The following GPC6 variants were observed in gnomAD, a reference collection of about 807,000 sequenced individuals.
GPC6 encodes glypican 6, also known as glypican-6.
A neutral mutation model predicts 55.2 loss-of-function variants in GPC6; 14 were observed. That is an observed-to-expected ratio of 0.25 (90% confidence interval 0.17 to 0.40). The LOEUF is 0.40. GPC6 is among the 10% of genes least tolerant of loss of function. GPC6 has a pLI of 1.00. For synonymous variants in GPC6, 278 were observed against 259.6 expected, an observed-to-expected ratio of 1.07 and a Z score of -0.68; for missense variants, 641 against 708.5, an observed-to-expected ratio of 0.90 and a Z score of 1.08.
intron 4 of GPC6, among the ~76,000 whole-genome samples, chr13:94,029,565 A>G (rs928567798): frequency 2.6e-5 from 4 of 152,242 alleles, no homozygotes; most frequent in African/African-American, 7.2e-5. Context: ...TTTTAAAGTC[A>G]GATTAAACCT....
intron 2 of GPC6, among the ~76,000 whole-genome samples, chr13:93,625,032 T>C (rs767384595): frequency 6.6e-6 from 1 of 152,216 alleles, no homozygotes; most frequent in Non-Finnish European, 1.5e-5. Flanking sequence ...AAATACCTTA[T>C]GCTTACTATG....
intron 2 of GPC6, among the ~76,000 whole-genome samples, chr13:93,682,296 G>A (rs1026941955): frequency 5.3e-5 from 8 of 152,128 alleles, no homozygotes; most frequent in African/African-American, 1.9e-4. Context: ...GTACTATAAG[G>A]CAGTGAGAAC....
intron 4 of GPC6, among the ~76,000 whole-genome samples, chr13:94,091,989 A>G (rs573927924): frequency 1.7e-4 from 25 of 151,074 alleles, no homozygotes; most frequent in Admixed American, 1.6e-3. Context: ...TTGAGATATA[A>G]TTGAAAAAAA....
intron 2 of GPC6, among the ~76,000 whole-genome samples, chr13:93,706,755 A>G (rs1882860306): frequency 6.6e-6 from 1 of 151,896 alleles, no homozygotes; most frequent in African/African-American, 2.4e-5. Context: ...AATATTTGCC[A>G]GTCACTATAA....
intron 2 of GPC6, among the ~76,000 whole-genome samples, chr13:93,819,980 A>G (rs1199595800): frequency 6.6e-6 from 1 of 152,352 alleles, no homozygotes; most frequent in Admixed American, 6.5e-5. Flanking sequence ...AAATCTCCCT[A>G]TATCAACCAA....
intron 2 of GPC6, among the ~76,000 whole-genome samples, chr13:93,583,768 A>G (rs1280142807): frequency 1.3e-5 from 2 of 152,040 alleles, no homozygotes; most frequent in Non-Finnish European, 2.9e-5. Context: ...CTAAGAAAGT[A>G]TATTATATAC....
chr13:93,997,095 C>T (rs1881589763), intron 3 of GPC6, among the ~76,000 whole-genome samples: 1 of 152,252 alleles, frequency 6.6e-6, no homozygotes, highest in South Asian at 2.1e-4. Context: ...TTCCTACACC[C>T]GTGTTATCCT....
intron 3 of GPC6, among the ~76,000 whole-genome samples, chr13:93,932,040 A>T (rs1454058756): frequency 6.6e-6 from 1 of 152,168 alleles, no homozygotes; most frequent in African/African-American, 2.4e-5. Flanking sequence ...AGATAAAAAT[A>T]CCTTTGCATA....
At chr13:94,352,974 C>T (rs1818159862) in intron 6 of GPC6, among the ~76,000 whole-genome samples, 1 of 152,144 alleles carries the variant, frequency 6.6e-6, no homozygotes, top group South Asian at 2.1e-4. Flanking sequence ...AAGGAAAACA[C>T]AAGTGCTTTT....
intron 3 of GPC6, among the ~76,000 whole-genome samples, chr13:93,835,394 G>C (rs976148264): frequency 6.6e-6 from 1 of 152,226 alleles, no homozygotes; most frequent in African/African-American, 2.4e-5. Flanking sequence ...GGTGGAGGTC[G>C]TAGTGAGCCG....
chr13:93,996,712 C>G (rs1881572707), intron 3 of GPC6, among the ~76,000 whole-genome samples: 1 of 152,112 alleles, frequency 6.6e-6, no homozygotes, highest in Admixed American at 6.6e-5. Context: ...GAGAGGACAA[C>G]TTAAAATAAT....
At chr13:93,804,688 A>G (rs1228904533) in intron 2 of GPC6, among the ~76,000 whole-genome samples, 1 of 152,192 alleles carries the variant, frequency 6.6e-6, no homozygotes, top group Non-Finnish European at 1.5e-5. Flanking sequence ...GGTTAGATAT[A>G]CAAATTCTGT....
rs1420342519 is a variant in GPC6 at position 94,331,985 on chromosome 13, AT to A, written c.1152+25865del. ...GAAATCTAAAGTCATGTAAGATTTT[AT>A]TTCTGTTCTCCATCTGAGTCTCAGT... On this transcript the variant is annotated intron_variant, in intron 6 of 8. Coordinates refer to ENST00000377047, the MANE Select transcript of GPC6 (RefSeq NM_005708.5). 8.5e-5 allele frequency among the ~76,000 whole-genome samples: 13 copies of A among 152,200 alleles called. No individual in the cohort carries two copies. In the East Asian group the frequency reaches 2.5e-3, roughly 29 times the overall value.
intron 1 of GPC6, among the ~76,000 whole-genome samples, chr13:93,367,208 A>G (rs1361844495): frequency 6.6e-6 from 1 of 152,138 alleles, no homozygotes; most frequent in Non-Finnish European, 1.5e-5. Context: ...ACTATCAGAA[A>G]GAAATTCACT....
intron 6 of GPC6, among the ~76,000 whole-genome samples, chr13:94,314,844 T>G (rs757418343): frequency 6.6e-6 from 1 of 152,174 alleles, no homozygotes; most frequent in Admixed American, 6.5e-5. Flanking sequence ...CTGGGGCCTA[T>G]GGAATACATT....
chr13:93,312,851 A>G (rs1425031342), intron 1 of GPC6, among the ~76,000 whole-genome samples: 1 of 152,106 alleles, frequency 6.6e-6, no homozygotes, highest in African/African-American at 2.4e-5. Flanking sequence ...TTACCAGTAG[A>G]TGGTTTAATT....
At chr13:93,710,997 T>C (rs1292862979) in intron 2 of GPC6, among the ~76,000 whole-genome samples, 2 of 151,824 alleles carry the variant, frequency 1.3e-5, no homozygotes, top group Admixed American at 1.3e-4. Flanking sequence ...TTCATTCTTT[T>C]TCCACCTTTG....
chr13:93,721,031 A>G lies in GPC6; in HGVS notation c.320-109123A>G, dbSNP rs148165024. 2.0e-5 allele frequency among the ~76,000 whole-genome samples: 3 copies of G among 152,102 alleles called. No individual in the cohort carries two copies. The East Asian group carries it at 5.8e-4, about 29-fold the overall frequency. ...TGCTATGTGATGCTAAGAAAAATGT[A>G]TATTCTGTTGATTTAGGATGGAGAG... On this transcript the variant is annotated intron_variant, in intron 2 of 8. Coordinates refer to ENST00000377047, the MANE Select transcript of GPC6 (RefSeq NM_005708.5).
intron 2 of GPC6, among the ~76,000 whole-genome samples, chr13:93,788,309 A>G (rs6492680): frequency 0.67 from 101,536 of 151,728 alleles, 34,602 homozygotes; most frequent in East Asian, 0.81. Context: ...CCAGTGCTGT[A>G]TGAAGCCTCT....
Sources: allele counts gnomAD v4.1 joint callset (sites outside exome capture counted in the v4.1 genomes callset), GRCh38; gene constraint gnomAD v4.1.1; transcripts MANE v1.5; gene names NCBI Gene and HGNC (gene_info 2026-07-23, HGNC 2026-07-21).